Variants in PARP14 observed in about 807,000 individuals in gnomAD.
The protein encoded by PARP14 is protein mono-ADP-ribosyltransferase PARP14.
In PARP14, 59 loss-of-function variants were observed where a neutral mutation model predicts 154.2. The ratio of observed to expected loss-of-function variants is 0.38; its 90% CI spans 0.31 to 0.48. The LOEUF is 0.48. PARP14 is among the 20% of genes least tolerant of loss of function. PARP14 has a pLI of 0.98. For missense variants in PARP14, 1,734 were observed against 2,131.6 expected, an observed-to-expected ratio of 0.81 and a Z score of 3.67; for synonymous variants, 720 against 780.5, an observed-to-expected ratio of 0.92 and a Z score of 1.29.
Position 122,701,359 on chromosome 3 carries a change from G to A in PARP14, c.2805G>A (p.Glu935=). ...GCTTTCCCTTAGGCCGATGCGTGGA[G>A]ACCATTGTTTCTGCCATCAAGGAAA... ...VFGFPLGRCV[E]TIVSAIKENF... Residue 935 remains glutamate (E), a synonymous_variant, in exon 6 of 17, where the codon GAG becomes GAA. Transcript: ENST00000474629. The surrounding 1 kb of genome is among the most constrained non-coding windows in gnomAD (Gnocchi z 4.0). 6.2e-7 allele frequency: 1 copy of A among 1,614,056 alleles called. No individual in the cohort carries two copies. Among genetic ancestry groups the A allele is most frequent in the Non-Finnish European group, 8.5e-7 (1 of 1,179,896 alleles).
chr3:122,707,380 C>CAAATAAAGAAAT (rs1939191494), intron 8 of PARP14, among the ~76,000 whole-genome samples: 1 of 139,622 alleles, frequency 7.2e-6, no homozygotes, highest in South Asian at 2.4e-4. Context: ...GACTCCATCT[C>CAAATAAAGAAAT]AAATAAATAA....
At chr3:122,687,719 T>C (rs1377257502) in intron 3 of PARP14, among the ~76,000 whole-genome samples, 1 of 152,214 alleles carries the variant, frequency 6.6e-6, no homozygotes, top group Non-Finnish European at 1.5e-5. Context: ...TGAGCTGCCA[T>C]GCCACTTGAC....
At chr3:122,702,227 A>G (rs991025616) in intron 6 of PARP14, among the ~76,000 whole-genome samples, 1 of 151,732 alleles carries the variant, frequency 6.6e-6, no homozygotes, top group Admixed American at 6.6e-5. Flanking sequence ...TTTTCTTTTT[A>G]TTTTTTTGAG....
At position 122,700,621 on chromosome 3, in the gene PARP14, A is replaced by G; in HGVS notation, c.2067A>G (p.Glu689=). 2 of 1,603,032 alleles carry G rather than the reference A, an allele frequency of 1.2e-6. No individual in the cohort carries two copies. Among genetic ancestry groups the G allele is most frequent in the Non-Finnish European group, 1.7e-6 (2 of 1,174,210 alleles). ...TAGTTATTGACTATTTAAAGACAGA[A>G]AAGAAGCTATTCTGGCCAAAGATAA... ...PSLVIDYLKT[E]KKLFWPKIKK... is the part of the protein sequence containing the mutation. Residue 689 remains glutamate, a synonymous_variant, in exon 6 of 17, where the codon GAA becomes GAG. Coordinates refer to ENST00000474629, the MANE Select transcript of PARP14 (RefSeq NM_017554.3).
intron 14 of PARP14, 150 bp from the exon 15 acceptor site, chr3:122,720,105 T>C (rs1305001838): frequency 1.3e-6 from 1 of 747,618 alleles, no homozygotes; most frequent in African/African-American, 1.8e-5. Flanking sequence ...AGGTTGTCTG[T>C]TGTTCATGCT....
Position 122,718,388 on chromosome 3 carries a change from C to A in PARP14, c.4237C>A (p.Gln1413Lys). Reference sequence around the variant, plus strand: ...TTTGGGCTTTTCAAAGCAATCTCCCCAAAAAAAGAATCATTTGGTTTTGGA... The same window carrying A: ...TTTGGGCTTTTCAAAGCAATCTCCCAAAAAAAAGAATCATTTGGTTTTGGA... ...SFLGFSKQSP[Q>K]KKNHLVLEKK... The change falls in exon 14 of 17, where the codon CAA becomes AAA. Residue 1413 changes from glutamine (Q) to lysine (K), a missense_variant. Gln to Lys is a moderately conservative substitution (Grantham distance 53, BLOSUM62 1). Around this residue, in one of 2 missense-constraint regions of PARP14, gnomAD observed 1,646 missense variants for 1,976.0 expected, o/e 0.83. Coordinates refer to ENST00000474629, the MANE Select transcript of PARP14 (RefSeq NM_017554.3). The A allele has an allele frequency of 1.2e-6, 2 of 1,611,750 alleles. No individual in the cohort carries two copies. Among genetic ancestry groups the A allele is most frequent in the Non-Finnish European group, 1.7e-6 (2 of 1,179,328 alleles).
At chr3:122,711,934 C>T (rs906061906) in intron 9 of PARP14, among the ~76,000 whole-genome samples, 1 of 152,070 alleles carries the variant, frequency 6.6e-6, no homozygotes, top group Non-Finnish European at 1.5e-5. Flanking sequence ...GTAATGTCTC[C>T]AGTTTCATTT....
rs532932894 is a variant in PARP14, at chr3:122,718,087, C to T, written c.4017C>T (p.His1339=). ...CTTTTCCAGGAAATGCCAAACAACA[C>T]CCAGATAAGGTTGCTGAAGCCATAA... is the stretch of plus-strand genomic sequence containing the variant. ...PAIGTGNAKQ[H]PDKVAEAIID... is the part of the protein sequence containing the mutation. Residue 1339 remains histidine, a synonymous_variant, in exon 13 of 17, where the codon CAC becomes CAT. Transcript: ENST00000474629. 1.2e-6 allele frequency: 2 copies of T among 1,613,680 alleles called. No homozygotes were observed. Among genetic ancestry groups the T allele is most frequent in the South Asian group, 1.1e-5 (1 of 91,048 alleles).
At chr3:122,691,458 C>CCT (rs1938536338) in intron 3 of PARP14, among the ~76,000 whole-genome samples, 1 of 152,224 alleles carries the variant, frequency 6.6e-6, no homozygotes, top group African/African-American at 2.4e-5. Context: ...TCGTATACAG[C>CCT]AGGCCTTGGC....
At chr3:122,690,995 G>C (rs916497902) in intron 3 of PARP14, among the ~76,000 whole-genome samples, 1 of 152,126 alleles carries the variant, frequency 6.6e-6, no homozygotes, top group African/African-American at 2.4e-5. Flanking sequence ...TTCATATTAA[G>C]GATATTTATA....
chr3:122,719,055 T>C (rs937009956), intron 14 of PARP14, 97 bp downstream of exon 14: 3 of 1,173,312 alleles, frequency 2.6e-6, no homozygotes, highest in Non-Finnish European at 3.5e-6. Context: ...TTGGAAAAAA[T>C]TCATGTGACA....
intron 12 of PARP14, among the ~76,000 whole-genome samples, chr3:122,715,807 G>A (rs1368299975): frequency 6.6e-6 from 1 of 152,116 alleles, no homozygotes; most frequent in Admixed American, 6.6e-5. Flanking sequence ...AAAGCAAGCA[G>A]CTTAGGGGTG....
chr3:122,710,599 C>A (rs2107649378), intron 9 of PARP14, among the ~76,000 whole-genome samples: 1 of 151,848 alleles, frequency 6.6e-6, no homozygotes, highest in South Asian at 2.1e-4. Flanking sequence ...AAGAATGATG[C>A]TGGTATTTGG....
At chr3:122,695,940 A>G (rs1938758548) in intron 5 of PARP14, among the ~76,000 whole-genome samples, 1 of 152,214 alleles carries the variant, frequency 6.6e-6, no homozygotes, top group African/African-American at 2.4e-5. Flanking sequence ...TCTTTGAAAT[A>G]ATATATTAAA....
intron 8 of PARP14, 93 bp downstream of exon 8, chr3:122,704,841 AT>A: frequency 1.5e-6 from 1 of 661,756 alleles, no homozygotes; most frequent in Non-Finnish European, 2.6e-6. Context: ...TTTTTCATTC[AT>A]TTCCCCATTC....
chr3:122,706,680 T>C (rs1939163220), intron 8 of PARP14, among the ~76,000 whole-genome samples: 1 of 152,184 alleles, frequency 6.6e-6, no homozygotes, highest in African/African-American at 2.4e-5. Context: ...ATCTTTGCTC[T>C]ACCCTCTCTC....
chr3:122,701,116 G>A lies in PARP14; in HGVS notation c.2562G>A (p.Lys854=), dbSNP rs1352965107. 2 of 1,614,010 alleles carry A rather than the reference G, an allele frequency of 1.2e-6. No homozygotes were observed. Among genetic ancestry groups the A allele is most frequent in the Admixed American group, 3.3e-5 (2 of 60,032 alleles). The stretch of plus-strand genomic sequence containing the variant: ...AGGCCGACTGTGACCAGATAGTGAA[G>A]AGAGAGGGCAGACTCCTACCGGGCA... ...ELQADCDQIV[K]REGRLLPGNA... is the part of the protein sequence containing the mutation. Residue 854 remains lysine (K), a synonymous_variant, in exon 6 of 17, where the codon AAG becomes AAA. Transcript: ENST00000474629. The surrounding 1 kb of genome is among the most constrained non-coding windows in gnomAD (Gnocchi z 4.0).
At chr3:122,689,853 G>C (rs1437157327) in intron 3 of PARP14, among the ~76,000 whole-genome samples, 1 of 152,162 alleles carries the variant, frequency 6.6e-6, no homozygotes, top group African/African-American at 2.4e-5. Flanking sequence ...TCTGGATCTA[G>C]TCTGCTTTTC....
chr3:122,699,776 A>G lies in PARP14; in HGVS notation c.1222A>G (p.Thr408Ala). Residue 408 changes from threonine to alanine, a missense_variant, in exon 6 of 17, where the codon ACA (threonine) becomes GCA (alanine). Physicochemically the swap from Thr to Ala is moderately conservative, Grantham distance 58. Coordinates refer to ENST00000474629, the MANE Select transcript of PARP14 (RefSeq NM_017554.3). ...YKVNPIKVDPTMWDTIKNDVK... is the reference protein window; with the variant it reads ...YKVNPIKVDPAMWDTIKNDVK... ...AGTCAACCCAATTAAAGTGGATCCA[A>G]CAATGTGGGACACCATAAAAAATGA... is the stretch of plus-strand genomic sequence containing the variant. The G allele has an allele frequency of 6.2e-7, 1 of 1,614,028 alleles. No homozygotes were observed.
Sources: gnomAD v4.1 joint callset for allele counts (sites outside exome capture counted in the v4.1 genomes callset) on GRCh38, gnomAD v4.1.1 for gene constraint, gnomAD v4.1.1 regional missense constraint, Gnocchi (gnomAD v3.1) non-coding constraint, MANE v1.5 for transcripts, NCBI Gene and HGNC (gene_info 2026-07-23, HGNC 2026-07-21) for gene names.